KALRN: variants seen among roughly 807,000 people sequenced by gnomAD.
KALRN encodes kalirin.
Under a neutral mutation model 353.7 loss-of-function variants are expected in KALRN, and 70 were observed. That is an observed-to-expected ratio of 0.20 (90% CI 0.16 to 0.24). The LOEUF is 0.24. KALRN is among the 10% of genes least tolerant of loss of function. KALRN has a pLI of 1.00. For synonymous variants in KALRN, 1,391 were observed against 1,434.8 expected (o/e 0.97, Z 0.69); for missense variants, 2,791 against 3,756.7 (o/e 0.74, Z 6.72).
chr3:124,280,337 G>A (rs1250269652), intron 5 of KALRN, among the ~76,000 whole-genome samples: 1 of 152,140 alleles, frequency 6.6e-6, no homozygotes, highest in Admixed American at 6.5e-5. Context: ...CCCTCCTGTA[G>A]TTACACCCTG....
chr3:124,611,849 C>G (rs2078011461), intron 34 of KALRN, among the ~76,000 whole-genome samples: 1 of 152,178 alleles, frequency 6.6e-6, no homozygotes, highest in Non-Finnish European at 1.5e-5. Flanking sequence ...TCGTTTCTGC[C>G]TTAGGATTTC....
chr3:124,189,178 G>A (rs1177505517), intron 1 of KALRN, among the ~76,000 whole-genome samples: 3 of 152,176 alleles, frequency 2.0e-5, no homozygotes, highest in Admixed American at 2.0e-4. Flanking sequence ...AGACCGTGGA[G>A]AACTGTCTCC....
At chr3:124,598,996 C>T (rs34700559) in intron 34 of KALRN, among the ~76,000 whole-genome samples, 37,086 of 151,806 alleles carry the variant, frequency 0.24, 4,715 homozygotes, top group East Asian at 0.33. Flanking sequence ...TCTAAGTACT[C>T]TCAAGGAAAA....
In KALRN at chr3:124,682,592, T is replaced by C. The variant is rs114773679; in HGVS notation, c.7377+3075T>C. ...TGTCACCAAAACATTCTTTACTTTT[T>C]CTCAATAAGTGGACCAAATGGTTCC... On this transcript the variant is annotated intron_variant, in intron 51 of 59. Coordinates refer to ENST00000682506, the MANE Select transcript of KALRN (RefSeq NM_001388419.1). Among the ~76,000 whole-genome samples the C allele has an allele frequency of 9.2e-3, 1,398 of 152,330 alleles. 25 individuals carry two copies. The highest frequency in any genetic ancestry group is 0.032 in the African/African-American group (1,337 of 41,566).
intron 1 of KALRN, among the ~76,000 whole-genome samples, chr3:124,218,601 G>A (rs1441661168): frequency 2.0e-5 from 3 of 152,188 alleles, no homozygotes; most frequent in Non-Finnish European, 2.9e-5. Flanking sequence ...AACCTGGTGA[G>A]TTAGAAAGGA....
At chr3:124,398,965 A>T in intron 13 of KALRN, 94 bp downstream of exon 13, 1 of 1,301,386 alleles carries the variant, frequency 7.7e-7, no homozygotes. Flanking sequence ...GCCTAAGGAA[A>T]TTAGAGCATC....
chr3:124,623,875 G>C (rs1266539124), intron 34 of KALRN, among the ~76,000 whole-genome samples: 1 of 152,214 alleles, frequency 6.6e-6, no homozygotes, highest in East Asian at 1.9e-4. Flanking sequence ...TATGTTCAGT[G>C]CACAAGCTCT....
Position 124,334,180 on chromosome 3 carries a change from G to C in KALRN, c.1417-85G>C. 2 of 1,159,248 alleles carry C rather than the reference G, an allele frequency of 1.7e-6. No individual in the cohort carries two copies. The allele number at this position is 1,159,248 out of a possible 1,614,324, so 71.8% of individuals were successfully genotyped here. A position where few individuals can be genotyped will look rare whatever the true frequency, so the allele number is the denominator to read the frequency against. On this transcript the variant is annotated intron_variant, in intron 8 of 59. Coordinates refer to ENST00000682506, the MANE Select transcript of KALRN (RefSeq NM_001388419.1). The surrounding 1 kb of genome is among the most constrained non-coding windows in gnomAD (Gnocchi z 4.2). ...GAGATTCTCAGAAGGCCTAGTCAGG[G>C]ACCCTCAGGCAGACACTTCCTGCTT...
chr3:124,408,094 A>G (rs539444913), intron 13 of KALRN, among the ~76,000 whole-genome samples: 71 of 152,328 alleles, frequency 4.7e-4, no homozygotes, highest in African/African-American at 1.7e-3. Context: ...TTAAAAAGGA[A>G]AAGAAATACT....
intron 45 of KALRN, 95 bp downstream of exon 45, chr3:124,662,023 C>G (rs1226496742): frequency 1.0e-6 from 1 of 961,412 alleles, no homozygotes; most frequent in Non-Finnish European, 1.7e-6. Flanking sequence ...TGTGTCCTGC[C>G]TGTGCCTCCT....
intron 1 of KALRN, among the ~76,000 whole-genome samples, chr3:124,134,432 G>C (rs180784149): frequency 6.6e-6 from 1 of 152,134 alleles, no homozygotes; most frequent in African/African-American, 2.4e-5. Flanking sequence ...CTAGAAGACA[G>C]CATTTGAAAA....
intron 48 of KALRN, 50 bp from the exon 49 acceptor site, chr3:124,674,313 GT>G (rs1559826688): frequency 1.3e-6 from 2 of 1,569,534 alleles, no homozygotes; most frequent in Non-Finnish European, 8.7e-7. Flanking sequence ...GCAAGCCCAT[GT>G]GAACTAGCGT....
chr3:124,253,181 G>T (rs2071420358), intron 3 of KALRN, among the ~76,000 whole-genome samples: 1 of 152,140 alleles, frequency 6.6e-6, no homozygotes, highest in East Asian at 1.9e-4. Flanking sequence ...CAAGTAATGG[G>T]CAAAAGTTTG....
chr3:124,321,794 G>T (rs992920411), intron 6 of KALRN, among the ~76,000 whole-genome samples: 6 of 152,166 alleles, frequency 3.9e-5, no homozygotes, highest in Non-Finnish European at 8.8e-5. Context: ...GGCTTTGGGC[G>T]TAGGTAAGAT....
intron 1 of KALRN, among the ~76,000 whole-genome samples, chr3:124,118,520 G>A (rs1022630649): frequency 1.3e-5 from 2 of 152,190 alleles, no homozygotes; most frequent in African/African-American, 2.4e-5. Flanking sequence ...CCGTGGAGTT[G>A]CAGGAGACAC....
intron 6 of KALRN, among the ~76,000 whole-genome samples, chr3:124,318,459 C>G (rs1376767887): frequency 1.3e-5 from 2 of 152,062 alleles, no homozygotes; most frequent in African/African-American, 4.8e-5. Flanking sequence ...CCATATGTTT[C>G]GAGGTGGGAT....
intron 1 of KALRN, among the ~76,000 whole-genome samples, chr3:124,085,453 G>A (rs1038602227): frequency 1.3e-5 from 2 of 152,174 alleles, no homozygotes; most frequent in African/African-American, 4.8e-5. Context: ...GACTCTTGTG[G>A]TAAATAAGGG....
Position 124,719,649 on chromosome 3 carries a change from TA to T in KALRN, c.*182del. The T allele has an allele frequency of 1.6e-6, 1 of 615,934 alleles. No individual in the cohort carries two copies. 38.2% of individuals were successfully genotyped at this position (615,934 alleles called of 1,614,324 possible). Reference sequence around the variant, plus strand: ...GTCTGAGCAGCAGTAAAAGTCACCCTAAATCAAGGGGCTTTTCAGAAGGTCA... The same window carrying T: ...GTCTGAGCAGCAGTAAAAGTCACCCTAATCAAGGGGCTTTTCAGAAGGTCA... On this transcript the variant is annotated 3_prime_UTR_variant, in exon 60 of 60. Coordinates refer to ENST00000682506, the MANE Select transcript of KALRN (RefSeq NM_001388419.1). The surrounding 1 kb of genome is among the most constrained non-coding windows in gnomAD (Gnocchi z 5.3).
intron 57 of KALRN, 68 bp from the exon 58 acceptor site, chr3:124,712,867 T>C: frequency 8.8e-7 from 1 of 1,141,138 alleles, no homozygotes; most frequent in Non-Finnish European, 1.3e-6. Flanking sequence ...AAAACTTTAC[T>C]TATCCATGAA....
Sources: allele counts gnomAD v4.1 joint callset (sites outside exome capture counted in the v4.1 genomes callset), GRCh38; gene constraint gnomAD v4.1.1; non-coding constraint Gnocchi (gnomAD v3.1); transcripts MANE v1.5; gene names NCBI Gene and HGNC (gene_info 2026-07-23, HGNC 2026-07-21).